The following SPATS2L variants were observed in gnomAD, a reference collection of about 807,000 sequenced individuals.
The protein encoded by SPATS2L is spermatogenesis associated serine rich 2 like, also known as SPATS2-like protein.
In SPATS2L, 30 loss-of-function variants were observed where a neutral mutation model predicts 59.6. The ratio of observed to expected loss-of-function variants is 0.50; its 90% CI spans 0.38 to 0.68. The LOEUF is 0.68. Ranked by LOEUF, SPATS2L falls within the 30% of genes least tolerant of loss-of-function variation. SPATS2L has a pLI of 0.00. For synonymous variants in SPATS2L, 252 were observed against 263.5 expected (o/e 0.96, Z 0.42); for missense variants, 615 against 700.0 (o/e 0.88, Z 1.37).
intron 1 of SPATS2L, among the ~76,000 whole-genome samples, chr2:200,323,935 TTGGGAACTTTGACAC>T (rs1428578451): frequency 1.3e-5 from 2 of 152,128 alleles, no homozygotes; most frequent in African/African-American, 4.8e-5. Flanking sequence ...GAACGGGAAT[TTGGGAACTTTGACAC>T]TGGGTAGCAT....
At chr2:200,402,337 C>T (rs1477262223) in intron 3 of SPATS2L, among the ~76,000 whole-genome samples, 4 of 152,224 alleles carry the variant, frequency 2.6e-5, no homozygotes, top group Non-Finnish European at 5.9e-5. Flanking sequence ...TGCCTTTCTT[C>T]TCCAGCATCA....
chr2:200,469,339 C>T (rs1048398808), intron 10 of SPATS2L, among the ~76,000 whole-genome samples: 1 of 152,164 alleles, frequency 6.6e-6, no homozygotes, highest in Non-Finnish European at 1.5e-5. Context: ...GGGACTGAGT[C>T]GCAGTTATTT....
chr2:200,442,125 C>T (rs1271960039), intron 8 of SPATS2L, among the ~76,000 whole-genome samples: 2 of 152,012 alleles, frequency 1.3e-5, no homozygotes, highest in African/African-American at 2.4e-5. Flanking sequence ...TGGATGTCAA[C>T]GAAAGTCTTC....
chr2:200,368,674 G>A (rs1040868177), intron 2 of SPATS2L, among the ~76,000 whole-genome samples: 1 of 152,132 alleles, frequency 6.6e-6, no homozygotes, highest in African/African-American at 2.4e-5. Context: ...AGCAGATGGT[G>A]GATATAGCAG....
intron 2 of SPATS2L, among the ~76,000 whole-genome samples, chr2:200,352,309 GTTTTTATATATATATATATATATATATA>G (rs1169486022): frequency 2.1e-5 from 1 of 47,394 alleles, no homozygotes; most frequent in African/African-American, 2.0e-4. Context: ...ATAACCAGCA[GTTTTTATATATATATATATATATATATA>G]TATATATATA....
chr2:200,416,481 G>T, intron 5 of SPATS2L, 53 bp downstream of exon 5: 2 of 1,070,106 alleles, frequency 1.9e-6, no homozygotes, highest in East Asian at 2.9e-5. Context: ...AAACCTTCAT[G>T]GTTGTTATCA....
intron 10 of SPATS2L, among the ~76,000 whole-genome samples, 163 bp downstream of exon 10, chr2:200,467,562 A>C (rs1210768237): frequency 6.6e-6 from 1 of 152,234 alleles, no homozygotes; most frequent in Non-Finnish European, 1.5e-5. Context: ...AGACCCACAT[A>C]ATCACTGTGT....
chr2:200,470,100 A>G, intron 11 of SPATS2L, 84 bp downstream of exon 11: 1 of 1,119,550 alleles, frequency 8.9e-7, no homozygotes, highest in Non-Finnish European at 1.3e-6. Context: ...TCAGGTGTGC[A>G]GTCCCCCCAG....
At chr2:200,332,433 TA>T (rs1206873783) in intron 2 of SPATS2L, among the ~76,000 whole-genome samples, 3 of 152,018 alleles carry the variant, frequency 2.0e-5, no homozygotes, top group African/African-American at 7.2e-5. Flanking sequence ...TTTATAGAGA[TA>T]GGGGGTCTCA....
intron 1 of SPATS2L, among the ~76,000 whole-genome samples, chr2:200,324,902 A>AT (rs2105781111): frequency 6.6e-6 from 1 of 152,182 alleles, no homozygotes; most frequent in Admixed American, 6.5e-5. Context: ...TGGTTTTGAT[A>AT]TTTTTCATTT....
At chr2:200,357,937 A>G (rs2080970351) in intron 2 of SPATS2L, among the ~76,000 whole-genome samples, 1 of 152,224 alleles carries the variant, frequency 6.6e-6, no homozygotes, top group African/African-American at 2.4e-5. Context: ...CCAAGCACAC[A>G]TAGCCTGGGA....
chr2:200,438,281 A>G (rs561103927), intron 6 of SPATS2L, among the ~76,000 whole-genome samples: 10 of 151,460 alleles, frequency 6.6e-5, no homozygotes, highest in Middle Eastern at 3.4e-3. Flanking sequence ...CTCCTAGATC[A>G]AAACTGCACT....
chr2:200,444,951 T>G (rs773969127), intron 8 of SPATS2L, among the ~76,000 whole-genome samples: 1 of 152,116 alleles, frequency 6.6e-6, no homozygotes, highest in Non-Finnish European at 1.5e-5. Context: ...ATGATAACCA[T>G]GTATCCTCCC....
intron 12 of SPATS2L, among the ~76,000 whole-genome samples, chr2:200,475,363 C>A (rs1327280314): frequency 1.3e-5 from 2 of 152,132 alleles, no homozygotes; most frequent in East Asian, 3.8e-4. Context: ...TGGTTTTGTA[C>A]ATTTTAGGGA....
chr2:200,436,402 C>G (rs985447714), intron 6 of SPATS2L, among the ~76,000 whole-genome samples: 3 of 152,180 alleles, frequency 2.0e-5, no homozygotes, highest in Admixed American at 1.3e-4. Context: ...GCATGTCAGA[C>G]ATACATGCAT....
intron 2 of SPATS2L, among the ~76,000 whole-genome samples, chr2:200,377,145 AC>A (rs1190490409): frequency 2.0e-5 from 3 of 152,146 alleles, no homozygotes; most frequent in Non-Finnish European, 4.4e-5. Context: ...CATCCTTCTT[AC>A]CACGCTATGC....
Position 200,348,231 on chromosome 2 carries a change from G to A in SPATS2L, c.-23+18751G>A, listed in dbSNP as rs1314960886. 2.0e-5 allele frequency among the ~76,000 whole-genome samples: 3 copies of A among 152,186 alleles called. No homozygotes were observed. The East Asian group carries it at 5.8e-4, about 29-fold the overall frequency. On this transcript the variant is annotated intron_variant, in intron 2 of 12. Coordinates refer to ENST00000409140, the MANE Select transcript of SPATS2L (RefSeq NM_001100423.2). Reference sequence around the variant, plus strand: ...TCTGAGTTTAGATGGGGAAGTTATAGGGCAGTGACAGAAAATGTCGTTGTC... The same window carrying A: ...TCTGAGTTTAGATGGGGAAGTTATAAGGCAGTGACAGAAAATGTCGTTGTC...
At chr2:200,310,384 TCTGAGCCACCC>T (rs541622548) in intron 1 of SPATS2L, among the ~76,000 whole-genome samples, 32 of 152,368 alleles carry the variant, frequency 2.1e-4, no homozygotes, top group African/African-American at 7.2e-4. Flanking sequence ...TAATGGTTTC[TCTGAGCCACCC>T]CTGCATTTCG....
intron 9 of SPATS2L, among the ~76,000 whole-genome samples, chr2:200,460,402 C>T (rs967333205): frequency 4.6e-5 from 7 of 152,154 alleles, no homozygotes; most frequent in Non-Finnish European, 1.0e-4. Flanking sequence ...GGCAAACTCA[C>T]AAACCTAACA....
Sources: allele counts gnomAD v4.1 joint callset (sites outside exome capture counted in the v4.1 genomes callset), GRCh38; gene constraint gnomAD v4.1.1; transcripts MANE v1.5; gene names NCBI Gene and HGNC (gene_info 2026-07-23, HGNC 2026-07-21).